Variants in ROCK1 observed in about 807,000 individuals in gnomAD.
ROCK1 encodes the protein Rho associated coiled-coil containing protein kinase 1, also known as rho-associated protein kinase 1.
A neutral mutation model predicts 196.8 loss-of-function variants in ROCK1; 36 were observed. That is an observed-to-expected ratio of 0.18 (90% CI 0.14 to 0.24). The LOEUF is 0.24. Ranked by LOEUF, ROCK1 falls within the 10% of genes least tolerant of loss-of-function variation. The pLI, the probability that ROCK1 is intolerant of heterozygous loss-of-function variation, is 1.00. For missense variants in ROCK1, 920 were observed against 1,562.0 expected, an observed-to-expected ratio of 0.59 and a Z score of 6.93; for synonymous variants, 443 against 515.9, an observed-to-expected ratio of 0.86 and a Z score of 1.91.
intron 1 of ROCK1, among the ~76,000 whole-genome samples, chr18:21,108,644 C>T (rs1382215654): frequency 6.6e-6 from 1 of 152,174 alleles, no homozygotes; most frequent in Non-Finnish European, 1.5e-5. Flanking sequence ...CTTTGGTTCC[C>T]CATCTTTTCC....
In ROCK1 at chr18:21,028,661, T is replaced by C. The variant is rs2035981500; in HGVS notation, c.1211+115A>G. ...GGAAATATCATGCATCAATGAAAAA[T>C]TGCATAATAAGGTGTATCTTTATAT... On this transcript the variant is annotated intron_variant, in intron 10 of 32. Transcript: ENST00000399799. 7 of 834,142 alleles carry C rather than the reference T, an allele frequency of 8.4e-6. 1 individual carries two copies. The South Asian group carries it at 1.3e-4, about 15-fold the overall frequency. The allele number at this position is 834,142 out of a possible 1,614,324, so 51.7% of individuals were successfully genotyped here.
intron 2 of ROCK1, among the ~76,000 whole-genome samples, chr18:21,065,662 A>G (rs2036328314): frequency 6.6e-6 from 1 of 152,116 alleles, no homozygotes; most frequent in African/African-American, 2.4e-5. Flanking sequence ...CTCCCACAAC[A>G]ATCGCTTAAT....
At chr18:21,045,572 T>C in intron 4 of ROCK1, 105 bp from the exon 5 acceptor site, 1 of 906,506 alleles carries the variant, frequency 1.1e-6, no homozygotes, top group Non-Finnish European at 1.6e-6. Flanking sequence ...AGTAAAATAA[T>C]CAAATTACAG....
chr18:21,015,088 T>C (rs754502116), intron 13 of ROCK1, among the ~76,000 whole-genome samples: 9 of 152,228 alleles, frequency 5.9e-5, no homozygotes, highest in Admixed American at 1.3e-4. Flanking sequence ...ATTTCTCTCT[T>C]TTCCTTATTT....
intron 20 of ROCK1, 76 bp downstream of exon 20, chr18:20,984,275 A>G: frequency 1.8e-6 from 2 of 1,088,024 alleles, no homozygotes; most frequent in Non-Finnish European, 2.7e-6. Context: ...ATCTGTACAT[A>G]TGTAAAATGT....
chr18:21,067,628 C>G (rs1214023096), intron 2 of ROCK1, among the ~76,000 whole-genome samples: 1 of 152,174 alleles, frequency 6.6e-6, no homozygotes, highest in East Asian at 1.9e-4. Context: ...CAGAACTGAT[C>G]TGCCCGCCTC....
intron 2 of ROCK1, among the ~76,000 whole-genome samples, chr18:21,050,507 C>T (rs905462531): frequency 2.0e-5 from 3 of 151,938 alleles, no homozygotes; most frequent in African/African-American, 7.3e-5. Flanking sequence ...TTCACAAATC[C>T]CCACTGGATA....
intron 16 of ROCK1, among the ~76,000 whole-genome samples, chr18:21,001,347 G>C (rs1031810349): frequency 5.9e-5 from 9 of 152,206 alleles, no homozygotes; most frequent in Admixed American, 2.6e-4. Flanking sequence ...GAACCACATA[G>C]AGGAGGTATT....
chr18:20,997,090 T>C (rs1430454214), intron 16 of ROCK1, among the ~76,000 whole-genome samples: 1 of 151,972 alleles, frequency 6.6e-6, no homozygotes, highest in Non-Finnish European at 1.5e-5. Context: ...CAGGAGTATG[T>C]CCCTACTTAT....
intron 18 of ROCK1, among the ~76,000 whole-genome samples, chr18:20,987,568 T>A (rs2035588207): frequency 6.6e-6 from 1 of 152,208 alleles, no homozygotes; most frequent in Non-Finnish European, 1.5e-5. Context: ...ATGAATAAGA[T>A]TCCACAGTAG....
chr18:21,042,148 T>C lies in ROCK1; in HGVS notation c.908A>G (p.Asn303Ser). 1 of 1,605,768 alleles carries C rather than the reference T, an allele frequency of 6.2e-7. No homozygotes were observed. Among genetic ancestry groups the C allele is most frequent in the South Asian group, 1.1e-5 (1 of 89,420 alleles). ...HKNSLTFPDD[N>S]DISKEAKNLI... The stretch of plus-strand genomic sequence containing the variant: ...GTTTTTTGCTTCTTTTGATATGTCA[T>C]TATCATCAGGAAAGGTAAGTGAATT... Residue 303 changes from asparagine to serine, a missense_variant, in exon 8 of 33, where the codon AAT becomes AGT. Coordinates refer to ENST00000399799, the MANE Select transcript of ROCK1 (RefSeq NM_005406.3).
intron 1 of ROCK1, among the ~76,000 whole-genome samples, chr18:21,095,832 A>T (rs2036608443): frequency 6.6e-6 from 1 of 152,176 alleles, no homozygotes; most frequent in African/African-American, 2.4e-5. Context: ...ATTTTTAAAT[A>T]ACTAATGGAG....
chr18:21,037,511 G>T (rs556436906), intron 9 of ROCK1, among the ~76,000 whole-genome samples: 1 of 152,234 alleles, frequency 6.6e-6, no homozygotes, highest in East Asian at 1.9e-4. Flanking sequence ...TATTTTAGGG[G>T]TGGGAAGTAA....
At chr18:21,015,381 A>T (rs751894590) in intron 13 of ROCK1, 50 bp downstream of exon 13, 1 of 1,217,068 alleles carries the variant, frequency 8.2e-7, no homozygotes, top group Non-Finnish European at 1.2e-6. Flanking sequence ...AAACAATTTG[A>T]AAGAGGGAAA....
At chr18:21,073,306 G>A (rs2036403179) in intron 1 of ROCK1, among the ~76,000 whole-genome samples, 1 of 152,062 alleles carries the variant, frequency 6.6e-6, no homozygotes, top group Admixed American at 6.6e-5. Context: ...ACATTTTACA[G>A]TGATCTCTAA....
At chr18:21,057,240 G>T (rs2036251686) in intron 2 of ROCK1, among the ~76,000 whole-genome samples, 1 of 152,286 alleles carries the variant, frequency 6.6e-6, no homozygotes, top group South Asian at 2.1e-4. Flanking sequence ...AGAAAGCTAA[G>T]ATTCAGAGAA....
At chr18:21,094,317 C>A (rs2036594735) in intron 1 of ROCK1, among the ~76,000 whole-genome samples, 1 of 152,008 alleles carries the variant, frequency 6.6e-6, no homozygotes, top group Non-Finnish European at 1.5e-5. Flanking sequence ...AAAGAATCAA[C>A]AAAGTGAGGA....
rs182315 is a variant in ROCK1 at position 21,027,120 on chromosome 18, G to A, written c.1211+1656C>T. 7.3e-3 allele frequency among the ~76,000 whole-genome samples: 1,111 copies of A among 152,022 alleles called. 17 individuals carry two copies. The highest frequency in any genetic ancestry group is 0.025 in the African/African-American group (1,034 of 41,466). ...CACCTGGCTAATTTTTGTATTTTTAGTAGAGACGGGGTTTCACCACATTGG... is the reference window on the plus strand; with the variant it reads ...CACCTGGCTAATTTTTGTATTTTTAATAGAGACGGGGTTTCACCACATTGG... On this transcript the variant is annotated intron_variant, in intron 10 of 32. Transcript: ENST00000399799.
chr18:21,102,574 C>A (rs565688418), intron 1 of ROCK1, among the ~76,000 whole-genome samples: 4 of 152,180 alleles, frequency 2.6e-5, no homozygotes, highest in African/African-American at 4.8e-5. Flanking sequence ...TTGCAGTCCA[C>A]TGTTTCAAAA....
Sources: allele counts gnomAD v4.1 joint callset (sites outside exome capture counted in the v4.1 genomes callset), GRCh38; gene constraint gnomAD v4.1.1; transcripts MANE v1.5; gene names NCBI Gene and HGNC (gene_info 2026-07-23, HGNC 2026-07-21).